DLGAP2: variants seen among roughly 807,000 people sequenced by gnomAD.
DLGAP2 encodes the protein DLG associated protein 2, also known as disks large-associated protein 2.
DLGAP2 carries 26 observed loss-of-function variants against 100.3 expected under a neutral mutation model. The ratio of observed to expected loss-of-function variants is 0.26; its 90% CI spans 0.19 to 0.36. The LOEUF is 0.36. Among genes scored for constraint, DLGAP2 ranks in the 10% least tolerant of loss-of-function variants. The probability of loss-of-function intolerance (pLI) is 1.00; values close to 1 mark genes in which losing one functional copy is unlikely to be tolerated. For synonymous variants in DLGAP2, 886 were observed against 630.1 expected, an observed-to-expected ratio of 1.41 and a Z score of -6.08; for missense variants, 1,858 against 1,453.2, an observed-to-expected ratio of 1.28 and a Z score of -4.53.
intron 2 of DLGAP2, among the ~76,000 whole-genome samples, chr8:1,130,635 G>A (rs1388135512): frequency 1.3e-5 from 2 of 152,248 alleles, no homozygotes; most frequent in East Asian, 1.9e-4. Context: ...GCTGTAAAGC[G>A]TGGCACGGAC....
chr8:801,581 A>G (rs990252647), intron 1 of DLGAP2, among the ~76,000 whole-genome samples: 1 of 152,136 alleles, frequency 6.6e-6, no homozygotes. Context: ...TTTCCTGAGT[A>G]GCTGTGTGGC....
intron 12 of DLGAP2, among the ~76,000 whole-genome samples, chr8:1,681,476 A>AAAT (rs1243161973): frequency 4.6e-5 from 7 of 151,842 alleles, no homozygotes; most frequent in African/African-American, 1.5e-4. Context: ...CTACCAAAAA[A>AAAT]AATAATAATA....
At chr8:1,593,749 A>G (rs1413481814) in intron 6 of DLGAP2, among the ~76,000 whole-genome samples, 1 of 152,036 alleles carries the variant, frequency 6.6e-6, no homozygotes. Context: ...AGTCTGGCCC[A>G]CTCTGGTTGC....
intron 3 of DLGAP2, among the ~76,000 whole-genome samples, chr8:1,351,279 T>A (rs369921521): frequency 1.1e-5 from 1 of 90,504 alleles, no homozygotes; most frequent in Admixed American, 1.1e-4. Context: ...GGGTCCTGAC[T>A]GTGTGTGGAA....
intron 8 of DLGAP2, among the ~76,000 whole-genome samples, chr8:1,655,134 A>G (rs929374880): frequency 6.6e-6 from 1 of 152,240 alleles, no homozygotes; most frequent in East Asian, 1.9e-4. Flanking sequence ...GTTGCCCCAG[A>G]ACTTGTGGGA....
At chr8:758,938 C>T (rs1244892317) in intron 1 of DLGAP2, among the ~76,000 whole-genome samples, 1 of 148,444 alleles carries the variant, frequency 6.7e-6, no homozygotes, top group Non-Finnish European at 1.5e-5. Flanking sequence ...TAACCACTAC[C>T]CTCCCCAACA....
intron 2 of DLGAP2, among the ~76,000 whole-genome samples, chr8:1,021,000 A>G (rs1286897065): frequency 6.6e-6 from 1 of 152,214 alleles, no homozygotes; most frequent in African/African-American, 2.4e-5. Context: ...CCTTTTATAG[A>G]TAAACTAAAA....
chr8:826,676 G>T (rs575412607), intron 1 of DLGAP2, among the ~76,000 whole-genome samples: 4 of 151,978 alleles, frequency 2.6e-5, no homozygotes, highest in East Asian at 1.9e-4. Flanking sequence ...GCCCCCTCTC[G>T]CAGCCTTCTC....
intron 6 of DLGAP2, among the ~76,000 whole-genome samples, chr8:1,569,577 C>G (rs911592165): frequency 6.6e-6 from 1 of 152,188 alleles, no homozygotes; most frequent in East Asian, 1.9e-4. Flanking sequence ...TCTTATATTC[C>G]TTCACGTTTT....
At chr8:1,694,449 G>A (rs980178408) in intron 13 of DLGAP2, among the ~76,000 whole-genome samples, 1 of 152,224 alleles carries the variant, frequency 6.6e-6, no homozygotes, top group African/African-American at 2.4e-5. Flanking sequence ...GAGCCTTTCG[G>A]GACGGACCGC....
chr8:881,726 C>A (rs1797801592), intron 1 of DLGAP2, among the ~76,000 whole-genome samples: 1 of 134,498 alleles, frequency 7.4e-6, no homozygotes, highest in Non-Finnish European at 1.6e-5. Context: ...ACCATGTTGG[C>A]CAGGCTGGTC....
chr8:1,484,193 C>T (rs920344249), intron 3 of DLGAP2, among the ~76,000 whole-genome samples: 8 of 152,230 alleles, frequency 5.3e-5, no homozygotes, highest in Admixed American at 3.9e-4. Context: ...GCTCTGAGCT[C>T]CATGAGCTTC....
Position 1,325,398 on chromosome 8 carries a change from C to G in DLGAP2, c.106+66515C>G, listed in dbSNP as rs946660454. On this transcript the variant is annotated intron_variant, in intron 3 of 14. Transcript: ENST00000637795. ...CTCCCACCTCCAGCAGCCCTGGTCC[C>G]TGGGTGTGGTCCCCCGACCCTGCAG... Among the ~76,000 whole-genome samples, 8 of 152,226 alleles carry G rather than the reference C, an allele frequency of 5.3e-5. No homozygotes were observed. In the East Asian group the frequency reaches 1.5e-3, roughly 29 times the overall value.
chr8:1,159,071 G>T (rs1462626567), intron 2 of DLGAP2, among the ~76,000 whole-genome samples: 2 of 152,176 alleles, frequency 1.3e-5, no homozygotes, highest in Non-Finnish European at 2.9e-5. Flanking sequence ...GAGCCACACT[G>T]CTCTGTTACC....
intron 2 of DLGAP2, among the ~76,000 whole-genome samples, chr8:1,256,384 T>C (rs1799217446): frequency 7.4e-6 from 1 of 135,326 alleles, no homozygotes; most frequent in African/African-American, 2.9e-5. Flanking sequence ...CCTCTCATCC[T>C]GCCTGGGTGC....
rs774521379 is a variant in DLGAP2 at position 1,701,510 on chromosome 8, T to G, written c.*104T>G. 303 of 1,230,148 alleles carry G rather than the reference T, an allele frequency of 2.5e-4. No individual in the cohort carries two copies. The highest frequency in any genetic ancestry group is 3.4e-4 in the South Asian group (22 of 65,670). 76.2% of individuals were successfully genotyped at this position (1,230,148 alleles called of 1,614,324 possible). On this transcript the variant is annotated 3_prime_UTR_variant, in exon 15 of 15. Coordinates refer to ENST00000637795, the MANE Select transcript of DLGAP2 (RefSeq NM_001346810.2). ...CTGTCTCCTCCTCCCGCTGAACACG[T>G]CCTCGCTCCCGCGCTCCCCGCGCCC... is the stretch of plus-strand genomic sequence containing the variant.
intron 3 of DLGAP2, among the ~76,000 whole-genome samples, chr8:1,316,897 C>G (rs1195895534): frequency 2.9e-3 from 349 of 119,830 alleles, no homozygotes; most frequent in African/African-American, 0.011. Flanking sequence ...AAAAATAGAG[C>G]GTGTGCGAGT....
At chr8:1,194,179 A>C (rs1226497738) in intron 2 of DLGAP2, among the ~76,000 whole-genome samples, 1 of 152,060 alleles carries the variant, frequency 6.6e-6, no homozygotes, top group Admixed American at 6.5e-5. Context: ...TTTAAAGAAG[A>C]AACTGCCGCC....
At chr8:1,630,055 C>T (rs573113663) in intron 7 of DLGAP2, among the ~76,000 whole-genome samples, 8 of 152,020 alleles carry the variant, frequency 5.3e-5, no homozygotes, top group African/African-American at 1.5e-4. Context: ...GTTTATTTAA[C>T]GACCTTGAAA....
Sources: gnomAD v4.1 joint callset for allele counts (sites outside exome capture counted in the v4.1 genomes callset) on GRCh38, gnomAD v4.1.1 for gene constraint, MANE v1.5 for transcripts, NCBI Gene and HGNC (gene_info 2026-07-23, HGNC 2026-07-21) for gene names.